Variants in LDB3 observed in about 807,000 individuals in gnomAD.
LDB3 encodes the protein LIM domain-binding protein 3.
Under a neutral mutation model 69.0 loss-of-function variants are expected in LDB3, and 49 were observed. That is an observed-to-expected ratio of 0.71 (90% CI 0.56 to 0.90). LDB3 has a LOEUF of 0.90. Among genes scored for constraint, LDB3 ranks in the 40% least tolerant of loss-of-function variants. LDB3 has a pLI of 0.00. For synonymous variants in LDB3, 387 were observed against 396.2 expected (o/e 0.98, Z 0.28); for missense variants, 928 against 974.1 (o/e 0.95, Z 0.63).
At chr10:86,697,549 CTTTTTTTTT>C (rs71019409) in intron 7 of LDB3, among the ~76,000 whole-genome samples, 1 of 83,942 alleles carries the variant, frequency 1.2e-5, no homozygotes, top group South Asian at 4.2e-4. Flanking sequence ...TTCTTTCTTT[CTTTTTTTTT>C]TTTTTTTTTT....
At chr10:86,730,282 A>G (rs929911657) in intron 13 of LDB3, among the ~76,000 whole-genome samples, 2 of 152,152 alleles carry the variant, frequency 1.3e-5, no homozygotes, top group African/African-American at 4.8e-5. Context: ...GGATACCTGT[A>G]TGTGGGGACT....
In LDB3 at chr10:86,690,452, A is replaced by G. The variant is rs530729277; in HGVS notation, c.690-1444A>G. Among the ~76,000 whole-genome samples the G allele has an allele frequency of 2.6e-5, 4 of 152,312 alleles. No homozygotes were observed. The South Asian group carries it at 8.3e-4, about 32-fold the overall frequency. ...TAGAAGCCTCTGCTGGTCTTTCCCA[A>G]CCGATCCCAACCACAGGCTGCCAGT... On this transcript the variant is annotated intron_variant, in intron 5 of 13. Transcript: ENST00000361373.
chr10:86,705,341 A>T (rs1846402497), intron 7 of LDB3, among the ~76,000 whole-genome samples: 1 of 152,260 alleles, frequency 6.6e-6, no homozygotes, highest in African/African-American at 2.4e-5. Flanking sequence ...TTCCTGGCAC[A>T]TAGCATGAGG....
At chr10:86,677,977 G>A (rs1589615248) in intron 2 of LDB3, among the ~76,000 whole-genome samples, 1 of 152,340 alleles carries the variant, frequency 6.6e-6, no homozygotes, top group South Asian at 2.1e-4. Flanking sequence ...GTGCTCCATA[G>A]CTTTGCAGGG....
At position 86,704,137 on chromosome 10, in the gene LDB3, AAAAG is replaced by A. The variant is rs934754581; in HGVS notation, c.897-2382_897-2379del. Among the ~76,000 whole-genome samples, 12 of 152,058 alleles carry A rather than the reference AAAAG, an allele frequency of 7.9e-5. No individual in the cohort carries two copies. The South Asian group carries it at 1.0e-3, about 13-fold the overall frequency. On this transcript the variant is annotated intron_variant, in intron 7 of 13. Coordinates refer to ENST00000361373, the MANE Select transcript of LDB3 (RefSeq NM_007078.3). Reference sequence around the variant, plus strand: ...TCAATTTAAAAAAGAGAAAAAAAAAAAAAGAAAGAAAGAAATGTGGATGCTCAGT... The same window carrying A: ...TCAATTTAAAAAAGAGAAAAAAAAAAAAAGAAAGAAATGTGGATGCTCAGT...
At chr10:86,685,691 C>T (rs772657845) in intron 5 of LDB3, 4 of 1,614,190 alleles carry the variant, frequency 2.5e-6, no homozygotes, top group Non-Finnish European at 3.4e-6. Flanking sequence ...GTAGTCAACT[C>T]TCCAGCCAAG....
intron 2 of LDB3, 97 bp downstream of exon 2, chr10:86,668,881 T>A: frequency 1.0e-6 from 1 of 959,638 alleles, no homozygotes; most frequent in Non-Finnish European, 1.6e-6. Context: ...TCTGAGCCTC[T>A]CAGAAAGCAG....
chr10:86,691,405 C>A (rs2132413381), intron 5 of LDB3, among the ~76,000 whole-genome samples: 1 of 152,296 alleles, frequency 6.6e-6, no homozygotes, highest in African/African-American at 2.4e-5. Flanking sequence ...GAGCCCATGG[C>A]CCCCAGTCCT....
rs71016147 is a variant in LDB3, at chr10:86,669,036, T to TCAGGCAGG, written c.93+273_93+280dup. Reference sequence around the variant, plus strand: ...TAGCAGAGAAGAAAATGCTGAGTTTTCAGGCAGGCAGGCAGGCAGGCAGGC... The same window carrying TCAGGCAGG: ...TAGCAGAGAAGAAAATGCTGAGTTTTCAGGCAGGCAGGCAGGCAGGCAGGCAGGCAGGC... On this transcript the variant is annotated intron_variant, in intron 2 of 13. Transcript: ENST00000361373. Among the ~76,000 whole-genome samples the TCAGGCAGG allele has an allele frequency of 1.3e-3, 197 of 150,918 alleles. 1 individual carries two copies. The highest frequency in any genetic ancestry group is 2.4e-3 in the Admixed American group (37 of 15,170).
chr10:86,685,115 C>T (rs1357234319), intron 5 of LDB3, among the ~76,000 whole-genome samples: 8 of 152,320 alleles, frequency 5.3e-5, no homozygotes, highest in South Asian at 4.1e-4. Context: ...CTGCCTGCGT[C>T]TCTTCTGGGA....
chr10:86,718,829 G>A lies in LDB3; in HGVS notation c.1960G>A (p.Glu654Lys). ...CAGCCTCTTCCACATGGAAGACGGGGAGCCCTACTGCGAGAAAGGTAGGAA... is the reference window on the plus strand; with the variant it reads ...CAGCCTCTTCCACATGGAAGACGGGAAGCCCTACTGCGAGAAAGGTAGGAA... ...GNSLFHMEDG[E>K]PYCEKDYINL... Residue 654 changes from glutamate to lysine, a missense_variant, in exon 12 of 14, where the codon GAG (glutamate) becomes AAG (lysine). Coordinates refer to ENST00000361373, the MANE Select transcript of LDB3 (RefSeq NM_007078.3). 2 of 1,614,162 alleles carry A rather than the reference G, an allele frequency of 1.2e-6. No individual in the cohort carries two copies. The highest frequency in any genetic ancestry group is 1.7e-6 in the Non-Finnish European group (2 of 1,180,034).
At position 86,670,669 on chromosome 10, in the gene LDB3, G is replaced by A. The variant is rs879390857; in HGVS notation, c.93+1885G>A. Among the ~76,000 whole-genome samples the A allele has an allele frequency of 2.0e-5, 3 of 152,314 alleles. No individual in the cohort carries two copies. In the South Asian group the frequency reaches 6.2e-4, roughly 32 times the overall value. ...GGAATGTCCTTACTCTGGGGAGGGGGTATGCAGGGATGTGCTGGATCCAAT... is the reference window on the plus strand; with the variant it reads ...GGAATGTCCTTACTCTGGGGAGGGGATATGCAGGGATGTGCTGGATCCAAT... On this transcript the variant is annotated intron_variant, in intron 2 of 13. Transcript: ENST00000361373.
chr10:86,680,210 T>G, intron 4 of LDB3, 53 bp downstream of exon 4: 1 of 1,535,016 alleles, frequency 6.5e-7, no homozygotes, highest in Non-Finnish European at 9.0e-7. Flanking sequence ...CCTGGAGTGC[T>G]GGCCCTGGCC....
At chr10:86,684,423 T>G (rs1052585591) in intron 5 of LDB3, among the ~76,000 whole-genome samples, 14 of 152,232 alleles carry the variant, frequency 9.2e-5, no homozygotes, top group African/African-American at 2.2e-4. Flanking sequence ...AGGCCAACAC[T>G]GCCCTCTGCA....
rs1280750937 is a variant in LDB3, at chr10:86,710,306, C to T, written c.1231+256C>T. 7.2e-6 allele frequency: 7 copies of T among 968,980 alleles called. No homozygotes were observed. In the East Asian group the frequency reaches 3.5e-4, roughly 48 times the overall value. 60.0% of individuals were successfully genotyped at this position (968,980 alleles called of 1,614,324 possible). A position where few individuals can be genotyped will look rare whatever the true frequency, so the allele number is the denominator to read the frequency against. ...CGAAGGAGAGCAGAGAAGTCTTCTCCGGACCGGGCATGGTGGCTCACACTT... is the reference window on the plus strand; with the variant it reads ...CGAAGGAGAGCAGAGAAGTCTTCTCTGGACCGGGCATGGTGGCTCACACTT... On this transcript the variant is annotated intron_variant, in intron 9 of 13. Coordinates refer to ENST00000361373, the MANE Select transcript of LDB3 (RefSeq NM_007078.3).
At position 86,681,504 on chromosome 10, in the gene LDB3, A is replaced by C; in HGVS notation, c.390A>C (p.Pro130=). The C allele has an allele frequency of 1.9e-6, 3 of 1,610,982 alleles. No homozygotes were observed. The highest frequency in any genetic ancestry group is 2.5e-6 in the Non-Finnish European group (3 of 1,179,718). The part of the protein sequence containing the change: ...PSPSPEARAS[P]GTPGTPELRP... ...CCAGCCCTGAGGCGAGGGCCAGCCC[A>C]GGCACCCCAGGCACCCCGGAGCTCA... Residue 130 remains proline, a synonymous_variant, in exon 5 of 14, where the codon CCA becomes CCC. Transcript: ENST00000361373.
At chr10:86,690,500 G>T (rs1279319883) in intron 5 of LDB3, among the ~76,000 whole-genome samples, 2 of 152,232 alleles carry the variant, frequency 1.3e-5, no homozygotes, top group African/African-American at 4.8e-5. Context: ...CTGGGCCAGG[G>T]CAGGGCCTTC....
At chr10:86,700,667 C>T (rs1846225429) in intron 7 of LDB3, among the ~76,000 whole-genome samples, 1 of 152,138 alleles carries the variant, frequency 6.6e-6, no homozygotes, top group Non-Finnish European at 1.5e-5. Context: ...TTGTCCTAGT[C>T]CTGGGCATTT....
At chr10:86,683,691 G>A (rs1023730044) in intron 5 of LDB3, among the ~76,000 whole-genome samples, 10 of 152,252 alleles carry the variant, frequency 6.6e-5, no homozygotes, top group African/African-American at 2.4e-4. Flanking sequence ...TGATGCTGCT[G>A]TCTCAGGCAA....
Sources: gnomAD v4.1 joint callset for allele counts (sites outside exome capture counted in the v4.1 genomes callset) on GRCh38, gnomAD v4.1.1 for gene constraint, MANE v1.5 for transcripts, NCBI Gene and HGNC (gene_info 2026-07-23, HGNC 2026-07-21) for gene names.